The following KCNH7 variants were observed in gnomAD, a reference collection of about 807,000 sequenced individuals.
KCNH7 encodes potassium voltage-gated channel subfamily H member 7, also known as voltage-gated inwardly rectifying potassium channel KCNH7.
KCNH7 carries 49 observed loss-of-function variants against 120.8 expected under a neutral mutation model. The observed-to-expected ratio is 0.41, with a 90% CI of 0.32 to 0.51. KCNH7 has a LOEUF of 0.51. KCNH7 is among the 20% of genes least tolerant of loss of function. KCNH7 has a pLI of 0.38. For synonymous variants in KCNH7, 547 were observed against 516.1 expected, an observed-to-expected ratio of 1.06 and a Z score of -0.81; for missense variants, 1,097 against 1,446.6, an observed-to-expected ratio of 0.76 and a Z score of 3.92.
At chr2:162,838,392 G>A (rs1463080553) in intron 1 of KCNH7, 51 bp downstream of exon 1, 3 of 1,452,334 alleles carry the variant, frequency 2.1e-6, no homozygotes, top group Admixed American at 3.4e-5. Flanking sequence ...GACGCCAAGT[G>A]CACTAACAAG....
intron 2 of KCNH7, among the ~76,000 whole-genome samples, chr2:162,816,088 T>C (rs1419221687): frequency 6.6e-6 from 1 of 151,682 alleles, no homozygotes; most frequent in African/African-American, 2.4e-5. Flanking sequence ...GAGAAACCCA[T>C]CTCTACTAAA....
At chr2:162,724,065 G>C (rs1197231499) in intron 2 of KCNH7, among the ~76,000 whole-genome samples, 1 of 142,632 alleles carries the variant, frequency 7.0e-6, no homozygotes, top group African/African-American at 3.0e-5. Flanking sequence ...GTAATAATGA[G>C]GTATAACTTC....
At chr2:162,530,159 T>C (rs772105987) in intron 3 of KCNH7, among the ~76,000 whole-genome samples, 24 of 151,946 alleles carry the variant, frequency 1.6e-4, no homozygotes, top group African/African-American at 5.6e-4. Context: ...TAATTCTATA[T>C]AAAAGAAGTC....
chr2:162,643,138 C>T (rs1164564914), intron 2 of KCNH7, among the ~76,000 whole-genome samples: 1 of 152,088 alleles, frequency 6.6e-6, no homozygotes, highest in Non-Finnish European at 1.5e-5. Flanking sequence ...CTAAGAATTG[C>T]CCTTCCAGTG....
At chr2:162,534,539 A>C (rs1193884736) in intron 3 of KCNH7, among the ~76,000 whole-genome samples, 1 of 151,650 alleles carries the variant, frequency 6.6e-6, no homozygotes, top group African/African-American at 2.4e-5. Flanking sequence ...TGTCTAGCAA[A>C]ACTGAAACTA....
chr2:162,451,797 G>T (rs1377040701), intron 6 of KCNH7, among the ~76,000 whole-genome samples: 1 of 152,052 alleles, frequency 6.6e-6, no homozygotes, highest in African/African-American at 2.4e-5. Context: ...ACTCCCAAAA[G>T]AAGTGGAAAC....
chr2:162,709,459 T>C (rs895173964), intron 2 of KCNH7, among the ~76,000 whole-genome samples: 5 of 152,032 alleles, frequency 3.3e-5, no homozygotes, highest in African/African-American at 1.2e-4. Flanking sequence ...AAAAATAAGA[T>C]GGGTGATCAT....
intron 6 of KCNH7, among the ~76,000 whole-genome samples, chr2:162,453,577 C>T (rs1330337159): frequency 6.6e-6 from 1 of 152,192 alleles, no homozygotes; most frequent in East Asian, 1.9e-4. Flanking sequence ...TACACTCCCA[C>T]CAACAGTGTA....
At chr2:162,697,646 C>A (rs953658219) in intron 2 of KCNH7, among the ~76,000 whole-genome samples, 1 of 151,996 alleles carries the variant, frequency 6.6e-6, no homozygotes, top group Admixed American at 6.6e-5. Flanking sequence ...GCTTCTCAAC[C>A]TAGGTAGAGA....
chr2:162,755,027 A>G (rs1025655039), intron 2 of KCNH7, among the ~76,000 whole-genome samples: 22 of 152,230 alleles, frequency 1.4e-4, no homozygotes, highest in Admixed American at 2.6e-4. Flanking sequence ...CCTACTTTAT[A>G]GCATTTTTCC....
chr2:162,736,309 GT>G (rs1687908761), intron 2 of KCNH7, among the ~76,000 whole-genome samples: 1 of 152,124 alleles, frequency 6.6e-6, no homozygotes, highest in Admixed American at 6.5e-5. Context: ...TGAAATTAAA[GT>G]TATGTTTTTG....
chr2:162,454,121 T>C (rs998092003), intron 6 of KCNH7, among the ~76,000 whole-genome samples: 2 of 152,226 alleles, frequency 1.3e-5, no homozygotes, highest in African/African-American at 4.8e-5. Flanking sequence ...CATTTTGAGT[T>C]AATTTTTCTA....
At chr2:162,443,583 C>T (rs1688491512) in intron 7 of KCNH7, among the ~76,000 whole-genome samples, 1 of 152,154 alleles carries the variant, frequency 6.6e-6, no homozygotes, top group Non-Finnish European at 1.5e-5. Flanking sequence ...AGCTCACCTC[C>T]AAAATATATC....
chr2:162,575,293 C>T lies in KCNH7; in HGVS notation c.308-38213G>A, dbSNP rs115023282. 4.6e-3 allele frequency among the ~76,000 whole-genome samples: 700 copies of T among 152,224 alleles called. 7 individuals are homozygous for T. The highest frequency in any genetic ancestry group is 0.016 in the African/African-American group (664 of 41,548). On this transcript the variant is annotated intron_variant, in intron 2 of 15. Transcript: ENST00000332142. ...TTGGCCTTCTGCCTTATTCCTCAAT[C>T]ATGGTTCTCTTCCCGCATTTACCCT...
chr2:162,430,191 A>T (rs1231418186), intron 8 of KCNH7, among the ~76,000 whole-genome samples: 1 of 151,994 alleles, frequency 6.6e-6, no homozygotes. Context: ...GATTTCTACC[A>T]AATACCCTGG....
At chr2:162,810,672 G>C (rs1684705362) in intron 2 of KCNH7, among the ~76,000 whole-genome samples, 1 of 152,106 alleles carries the variant, frequency 6.6e-6, no homozygotes, top group South Asian at 2.1e-4. Flanking sequence ...TGGGAGACTT[G>C]GTGAGTAAAA....
intron 3 of KCNH7, among the ~76,000 whole-genome samples, chr2:162,532,121 T>C (rs1373783251): frequency 6.6e-6 from 1 of 151,950 alleles, no homozygotes; most frequent in African/African-American, 2.4e-5. Flanking sequence ...ACCATGCTTA[T>C]GCAGTAACTA....
chr2:162,532,709 C>G (rs1283669008), intron 3 of KCNH7, among the ~76,000 whole-genome samples: 1 of 151,892 alleles, frequency 6.6e-6, no homozygotes, highest in Non-Finnish European at 1.5e-5. Context: ...AAAAGACAGT[C>G]ATGCATACAT....
chr2:162,510,910 T>A lies in KCNH7; in HGVS notation c.913+1744A>T, dbSNP rs1691050260. ...GAAGACTTTGGATTGAAAATTTACA[T>A]TAAATTTAATTAAGTTTGCAAATGT... On this transcript the variant is annotated intron_variant, in intron 5 of 15. Coordinates refer to ENST00000332142, the MANE Select transcript of KCNH7 (RefSeq NM_033272.4). 2.0e-5 allele frequency among the ~76,000 whole-genome samples: 3 copies of A among 151,724 alleles called. No homozygotes were observed. The South Asian group carries it at 6.2e-4, about 31-fold the overall frequency.
Sources: allele counts gnomAD v4.1 joint callset (sites outside exome capture counted in the v4.1 genomes callset), GRCh38; gene constraint gnomAD v4.1.1; transcripts MANE v1.5; gene names NCBI Gene and HGNC (gene_info 2026-07-23, HGNC 2026-07-21).